The following PGBD5 variants were observed in gnomAD, a reference collection of about 807,000 sequenced individuals.
PGBD5 encodes piggyBac transposable element derived 5, also known as piggyBac transposable element-derived protein 5.
Under a neutral mutation model 47.9 loss-of-function variants are expected in PGBD5, and 14 were observed. That is an observed-to-expected ratio of 0.29 (90% CI 0.19 to 0.46). The LOEUF is 0.46. Ranked by LOEUF, PGBD5 falls within the 20% of genes least tolerant of loss-of-function variation. The pLI is 1.00. For missense variants in PGBD5, 635 were observed against 716.0 expected (o/e 0.89, Z 1.29); for synonymous variants, 316 against 306.3 (o/e 1.03, Z -0.33).
At chr1:230,359,214 A>C (rs189642735) in intron 1 of PGBD5, among the ~76,000 whole-genome samples, 9 of 152,148 alleles carry the variant, frequency 5.9e-5, no homozygotes, top group Middle Eastern at 3.4e-3. Flanking sequence ...GATGCCCGCC[A>C]CCACGCCTGG....
intron 3 of PGBD5, among the ~76,000 whole-genome samples, chr1:230,343,868 T>C (rs553188147): frequency 3.3e-5 from 5 of 152,370 alleles, no homozygotes; most frequent in South Asian, 4.1e-4. Context: ...TAAGGGAAAT[T>C]AGTGACGTGG....
chr1:230,374,593 T>C (rs1350909649), intron 1 of PGBD5, among the ~76,000 whole-genome samples: 4 of 152,250 alleles, frequency 2.6e-5, no homozygotes, highest in Non-Finnish European at 5.9e-5. Context: ...ATCTCCAGTT[T>C]GTTCTTTATG....
Position 230,377,411 on chromosome 1 carries a change from G to GTGA in PGBD5, c.332-20093_332-20091dup. On this transcript the variant is annotated intron_variant, in intron 1 of 6. Coordinates refer to ENST00000391860, the MANE Select transcript of PGBD5 (RefSeq NM_001258311.2). ...TAAATCCTTCATAAAGGCAGAAGCT[G>GTGA]TGATGATGATGATGAAGATGCCAAT... 6 of 1,378,772 alleles carry GTGA rather than the reference G, an allele frequency of 4.4e-6. No homozygotes were observed. In the East Asian group the frequency reaches 9.7e-5, roughly 22 times the overall value. 85.4% of individuals were successfully genotyped at this position (1,378,772 alleles called of 1,614,324 possible).
chr1:230,371,538 G>A (rs895439450), intron 1 of PGBD5, among the ~76,000 whole-genome samples: 10 of 152,194 alleles, frequency 6.6e-5, no homozygotes, highest in Non-Finnish European at 8.8e-5. Flanking sequence ...AAGAGCAGAC[G>A]AGCATAAACC....
chr1:230,315,531 G>A lies in PGBD5; in HGVS notation c.*7894C>T, dbSNP rs1053853891. The A allele has an allele frequency of 3.3e-4, 50 of 152,228 alleles. No homozygotes were observed. The highest frequency in any genetic ancestry group is 1.1e-3 in the African/African-American group (47 of 41,518). 9.4% of individuals were successfully genotyped at this position (152,228 alleles called of 1,614,324 possible). A position where few individuals can be genotyped will look rare whatever the true frequency, so the allele number is the denominator to read the frequency against. ...CTCCTCCCTCACCTGGTTTCTACGT[G>A]GACCCACCATTCTTGCCCTCCTGGA... On this transcript the variant is annotated 3_prime_UTR_variant, in exon 7 of 7. Coordinates refer to ENST00000391860, the MANE Select transcript of PGBD5 (RefSeq NM_001258311.2).
intron 1 of PGBD5, among the ~76,000 whole-genome samples, chr1:230,421,292 C>G (rs556558606): frequency 3.1e-4 from 47 of 152,280 alleles, no homozygotes; most frequent in Non-Finnish European, 6.0e-4. Context: ...AGTTAAAACT[C>G]ACAGAACTGT....
rs111271665 is a variant in PGBD5 at position 230,357,352 on chromosome 1, T to C, written c.332-31A>G. On this transcript the variant is annotated intron_variant, in intron 1 of 6. Transcript: ENST00000391860. The surrounding 1 kb of genome is among the most constrained non-coding windows in gnomAD (Gnocchi z 5.7). Reference sequence around the variant, plus strand: ...ACCCAAAGACAGGTGGAGTGTTCCTTAGGACGGCCGCCACACCCTGACTCG... The same window carrying C: ...ACCCAAAGACAGGTGGAGTGTTCCTCAGGACGGCCGCCACACCCTGACTCG... The C allele has an allele frequency of 2.2e-3, 3,490 of 1,591,672 alleles. 55 individuals are homozygous for C. In the African/African-American group the frequency reaches 0.039, roughly 18 times the overall value.
Position 230,319,542 on chromosome 1 carries a change from C to G in PGBD5, c.*3883G>C, listed in dbSNP as rs1326850114. 6.6e-6 allele frequency: 1 copy of G among 150,900 alleles called. No homozygotes were observed. Among genetic ancestry groups the G allele is most frequent in the Non-Finnish European group, 1.5e-5 (1 of 68,038 alleles). 9.3% of individuals were successfully genotyped at this position (150,900 alleles called of 1,614,324 possible). A position where few individuals can be genotyped will look rare whatever the true frequency, so the allele number is the denominator to read the frequency against. On this transcript the variant is annotated 3_prime_UTR_variant, in exon 7 of 7. Transcript: ENST00000391860. ...TTCCTCTCAGCCTGATGCTTGGTGA[C>G]CCCCCCTCACTGTTGGGGGGGCTGA...
chr1:230,424,693 A>G (rs1016002618), intron 1 of PGBD5, among the ~76,000 whole-genome samples: 3 of 152,254 alleles, frequency 2.0e-5, no homozygotes, highest in African/African-American at 7.2e-5. Context: ...GGAAGAACAC[A>G]GCATGCAGGA....
chr1:230,412,681 C>T (rs1234441606), intron 1 of PGBD5, among the ~76,000 whole-genome samples: 1 of 152,070 alleles, frequency 6.6e-6, no homozygotes, highest in Non-Finnish European at 1.5e-5. Flanking sequence ...AGCCACCGCG[C>T]CCGGCCCATC....
chr1:230,415,116 G>T (rs1210921729), intron 1 of PGBD5, among the ~76,000 whole-genome samples: 1 of 152,042 alleles, frequency 6.6e-6, no homozygotes, highest in East Asian at 1.9e-4. Context: ...AAATTAAAAA[G>T]AATTAGGTGG....
intron 6 of PGBD5, among the ~76,000 whole-genome samples, chr1:230,324,484 G>A (rs1280927787): frequency 1.3e-5 from 2 of 152,194 alleles, no homozygotes; most frequent in Non-Finnish European, 2.9e-5. Flanking sequence ...CCCAAGGAGT[G>A]GGACTACCTT....
At chr1:230,339,813 G>T (rs1200322085) in intron 3 of PGBD5, among the ~76,000 whole-genome samples, 6 of 152,334 alleles carry the variant, frequency 3.9e-5, no homozygotes, top group Admixed American at 6.5e-5. Flanking sequence ...TAATAGGAGA[G>T]AGTGGAATGG....
chr1:230,422,973 C>A (rs11580469), intron 1 of PGBD5, among the ~76,000 whole-genome samples: 6,656 of 151,574 alleles, frequency 0.044, 187 homozygotes, highest in Middle Eastern at 0.065. Flanking sequence ...CTCCCTCATG[C>A]ACAGCGACTC....
intron 3 of PGBD5, among the ~76,000 whole-genome samples, chr1:230,338,533 C>T (rs1667362155): frequency 6.6e-6 from 1 of 152,238 alleles, no homozygotes; most frequent in Non-Finnish European, 1.5e-5. Context: ...GGCACGGTGG[C>T]TCACGCCTGT....
At chr1:230,358,950 T>C (rs970592433) in intron 1 of PGBD5, among the ~76,000 whole-genome samples, 33 of 152,246 alleles carry the variant, frequency 2.2e-4, no homozygotes, top group African/African-American at 7.2e-4. Flanking sequence ...TGTACACACA[T>C]ATATTTTTAA....
intron 2 of PGBD5, 27 bp from the exon 3 acceptor site, chr1:230,351,119 C>T: frequency 3.1e-6 from 5 of 1,602,790 alleles, no homozygotes; most frequent in Non-Finnish European, 4.3e-6. Context: ...AGCAGAGGCT[C>T]TCACGGAAGG....
At chr1:230,335,908 C>T (rs979211582) in intron 4 of PGBD5, among the ~76,000 whole-genome samples, 4 of 150,596 alleles carry the variant, frequency 2.7e-5, no homozygotes, top group African/African-American at 9.8e-5. Flanking sequence ...GACATACAGA[C>T]ACAAAGACAC....
chr1:230,388,083 G>C (rs546216788), intron 1 of PGBD5, among the ~76,000 whole-genome samples: 22 of 152,244 alleles, frequency 1.4e-4, no homozygotes, highest in African/African-American at 5.3e-4. Context: ...ATTCATGTTG[G>C]CCCCAAAGCT....
Sources: allele counts gnomAD v4.1 joint callset (sites outside exome capture counted in the v4.1 genomes callset), GRCh38; gene constraint gnomAD v4.1.1; non-coding constraint Gnocchi (gnomAD v3.1); transcripts MANE v1.5; gene names NCBI Gene and HGNC (gene_info 2026-07-23, HGNC 2026-07-21).